HSD17B12: variants seen among roughly 807,000 people sequenced by gnomAD.
HSD17B12 encodes hydroxysteroid 17-beta dehydrogenase 12, also known as very-long-chain 3-oxoacyl-CoA reductase.
In HSD17B12, 32 loss-of-function variants were observed where a neutral mutation model predicts 39.3. That is an observed-to-expected ratio of 0.81 (90% confidence interval 0.61 to 1.09). The LOEUF (loss-of-function observed/expected upper bound fraction) is 1.09, where lower values mean the gene tolerates loss of function less well. HSD17B12 is among the 50% of genes least tolerant of loss of function. The probability of loss-of-function intolerance (pLI) is 0.00; values close to 1 mark genes in which losing one functional copy is unlikely to be tolerated. For missense variants in HSD17B12, 342 were observed against 382.9 expected (o/e 0.89, Z 0.89); for synonymous variants, 150 against 146.7 (o/e 1.02, Z -0.16).
the HSD17B12 span, among the ~76,000 whole-genome samples, chr11:43,586,952 G>A: frequency 6.6e-6 from 1 of 152,236 alleles, no homozygotes; most frequent in African/African-American, 2.4e-5. Context: ...TCATTTCTCT[G>A]CTTAAAAAGC....
At chr11:43,787,006 A>C (rs1277626635) in intron 3 of HSD17B12, among the ~76,000 whole-genome samples, 1 of 152,038 alleles carries the variant, frequency 6.6e-6, no homozygotes, top group African/African-American at 2.4e-5. Context: ...GGCAGTGGTG[A>C]TCTTGGCTCA....
At chr11:43,744,400 G>A (rs11037593) in intron 1 of HSD17B12, among the ~76,000 whole-genome samples, 7,068 of 152,120 alleles carry the variant, frequency 0.046, 240 homozygotes, top group Middle Eastern at 0.18. Flanking sequence ...AAGTAAGAAT[G>A]GTGAAACATT....
the HSD17B12 span, among the ~76,000 whole-genome samples, chr11:43,595,086 G>A: frequency 6.6e-6 from 1 of 152,156 alleles, no homozygotes; most frequent in African/African-American, 2.4e-5. Flanking sequence ...TATAAATAAA[G>A]GTGTGAGACT....
chr11:43,841,467 A>C (rs1951425264), intron 9 of HSD17B12, among the ~76,000 whole-genome samples: 1 of 152,176 alleles, frequency 6.6e-6, no homozygotes, highest in Admixed American at 6.5e-5. Flanking sequence ...ATGCTTGCCA[A>C]ATCCAGTGTC....
chr11:43,597,450 C>A, the HSD17B12 span, among the ~76,000 whole-genome samples: 117 of 152,210 alleles, frequency 7.7e-4, 4 homozygotes, highest in East Asian at 0.022. Flanking sequence ...GAATGCTGAA[C>A]GAAGGACTTT....
At chr11:43,767,214 A>AC (rs201262720) in intron 3 of HSD17B12, among the ~76,000 whole-genome samples, 3,921 of 152,082 alleles carry the variant, frequency 0.026, 180 homozygotes, top group African/African-American at 0.088. Flanking sequence ...TAAAAAAAAA[A>AC]AACACTTTTT....
At chr11:43,581,909 G>C in the HSD17B12 span, among the ~76,000 whole-genome samples, 1 of 152,178 alleles carries the variant, frequency 6.6e-6, no homozygotes, top group Non-Finnish European at 1.5e-5. This position sits in a 1 kb window ranked among gnomAD's most constrained non-coding sequence, Gnocchi z 4.9. Context: ...GGTCATTTTT[G>C]ACCGTAATGA....
At chr11:43,774,890 T>G (rs1740325849) in intron 3 of HSD17B12, among the ~76,000 whole-genome samples, 1 of 152,142 alleles carries the variant, frequency 6.6e-6, no homozygotes, top group African/African-American at 2.4e-5. Context: ...TTCTTGTGAT[T>G]GGTTACATTA....
At chr11:43,771,800 A>G (rs4755210) in intron 3 of HSD17B12, among the ~76,000 whole-genome samples, 152,218 of 152,218 alleles carry the variant, frequency 1, 76,109 homozygotes, top group Non-Finnish European at 1. Flanking sequence ...TCATGTATAA[A>G]GCATTGCTGT....
the HSD17B12 span, among the ~76,000 whole-genome samples, chr11:43,598,765 T>C: frequency 7.2e-5 from 11 of 152,076 alleles, no homozygotes; most frequent in African/African-American, 2.7e-4. Flanking sequence ...CACGTCAGAG[T>C]GGGGTATGCG....
chr11:43,726,579 C>A (rs1950221834), intron 1 of HSD17B12, among the ~76,000 whole-genome samples: 1 of 152,172 alleles, frequency 6.6e-6, no homozygotes, highest in African/African-American at 2.4e-5. Context: ...CAGCAGGGAC[C>A]ATTAGAATCC....
chr11:43,654,417 A>G, the HSD17B12 span, among the ~76,000 whole-genome samples: 1 of 152,024 alleles, frequency 6.6e-6, no homozygotes, highest in African/African-American at 2.4e-5. Flanking sequence ...TCATTTGTCA[A>G]TTTTGGCTTT....
chr11:43,626,868 T>A, the HSD17B12 span, among the ~76,000 whole-genome samples: 1 of 152,026 alleles, frequency 6.6e-6, no homozygotes, highest in Non-Finnish European at 1.5e-5. Flanking sequence ...AAAGAATCAA[T>A]GCAAAGGACA....
intron 1 of HSD17B12, among the ~76,000 whole-genome samples, chr11:43,730,143 A>G (rs1565066570): frequency 1.3e-5 from 2 of 152,112 alleles, no homozygotes; most frequent in African/African-American, 4.8e-5. Context: ...TTAGTTTGCA[A>G]CTACATTGTA....
chr11:43,599,502 CA>C, the HSD17B12 span, among the ~76,000 whole-genome samples: 1 of 152,118 alleles, frequency 6.6e-6, no homozygotes, highest in Non-Finnish European at 1.5e-5. Context: ...GCTTTTTGTA[CA>C]AACTATTTTG....
the HSD17B12 span, among the ~76,000 whole-genome samples, chr11:43,608,568 A>G: frequency 6.6e-6 from 1 of 152,156 alleles, no homozygotes; most frequent in Non-Finnish European, 1.5e-5. Flanking sequence ...ATTTTTCACT[A>G]AATTGAGAAT....
chr11:43,648,715 G>A, the HSD17B12 span, among the ~76,000 whole-genome samples: 1 of 151,278 alleles, frequency 6.6e-6, no homozygotes, highest in African/African-American at 2.4e-5. Flanking sequence ...TATGTGTCTG[G>A]ATTTGAAAAT....
At chr11:43,612,616 G>A in the HSD17B12 span, among the ~76,000 whole-genome samples, 1 of 152,198 alleles carries the variant, frequency 6.6e-6, no homozygotes, top group East Asian at 1.9e-4. Flanking sequence ...ATGTTGCCCA[G>A]GCTGGTCTCT....
chr11:43,627,724 G>A, the HSD17B12 span, among the ~76,000 whole-genome samples: 1 of 151,880 alleles, frequency 6.6e-6, no homozygotes, highest in Non-Finnish European at 1.5e-5. Flanking sequence ...AATTTAATCT[G>A]CGTTAAAATA....
Sources: gnomAD v4.1 joint callset for allele counts (sites outside exome capture counted in the v4.1 genomes callset) on GRCh38, gnomAD v4.1.1 for gene constraint, Gnocchi (gnomAD v3.1) non-coding constraint, MANE v1.5 for transcripts, NCBI Gene and HGNC (gene_info 2026-07-23, HGNC 2026-07-21) for gene names.